The following CFAP73 variants were observed in gnomAD, a reference collection of about 807,000 sequenced individuals.
CFAP73 encodes the protein cilia- and flagella-associated protein 73.
Under a neutral mutation model 42.9 loss-of-function variants are expected in CFAP73, and 33 were observed. The ratio of observed to expected loss-of-function variants is 0.77; its 90% CI spans 0.58 to 1.03. CFAP73 has a LOEUF of 1.03. CFAP73 is among the 50% of genes least tolerant of loss of function. The pLI, the probability that CFAP73 is intolerant of heterozygous loss-of-function variation, is 0.00. For synonymous variants in CFAP73, 162 were observed against 186.8 expected (o/e 0.87, Z 1.08); for missense variants, 392 against 411.9 (o/e 0.95, Z 0.42).
At chr12:113,150,474 A>G (rs1478310850) in intron 1 of CFAP73, among the ~76,000 whole-genome samples, 1 of 152,084 alleles carries the variant, frequency 6.6e-6, no homozygotes, top group Non-Finnish European at 1.5e-5. Flanking sequence ...TGGCCGTAGT[A>G]GGGAGCTGGT....
rs1194067000 is a variant in CFAP73, at chr12:113,159,170, C to T, written c.*481C>T. Reference sequence around the variant, plus strand: ...GGATCACTCCCAAGATCCCCTCCTCCCAGAAGCTTGCAGACTCCTCCCCTG... The same window carrying T: ...GGATCACTCCCAAGATCCCCTCCTCTCAGAAGCTTGCAGACTCCTCCCCTG... On this transcript the variant is annotated 3_prime_UTR_variant, in exon 8 of 8. Transcript: ENST00000335621. 6.6e-7 allele frequency: 1 copy of T among 1,506,676 alleles called. No homozygotes were observed. The highest frequency in any genetic ancestry group is 8.9e-7 in the Non-Finnish European group (1 of 1,123,868). The allele number at this position is 1,506,676 out of a possible 1,614,324, so 93.3% of individuals were successfully genotyped here. A position where few individuals can be genotyped will look rare whatever the true frequency, so the allele number is the denominator to read the frequency against.
chr12:113,150,335 C>T (rs1250538667), intron 1 of CFAP73, among the ~76,000 whole-genome samples: 3 of 152,114 alleles, frequency 2.0e-5, no homozygotes, highest in Non-Finnish European at 4.4e-5. Flanking sequence ...TTCTGGACCA[C>T]GGCTGGGAAA....
Position 113,158,999 on chromosome 12 carries a change from G to C in CFAP73, c.*310G>C. ...AGCTGCTTGAGGCCACCACGCTGCA[G>C]GAAGTGCAGCTTCTGGGCCCGGCGC... On this transcript the variant is annotated 3_prime_UTR_variant, in exon 8 of 8. Coordinates refer to ENST00000335621, the MANE Select transcript of CFAP73 (RefSeq NM_001144872.3). This position sits in a 1 kb window ranked among gnomAD's most constrained non-coding sequence, Gnocchi z 4.9. 6.2e-7 allele frequency: 1 copy of C among 1,611,844 alleles called. No homozygotes were observed. Among genetic ancestry groups the C allele is most frequent in the Non-Finnish European group, 8.5e-7 (1 of 1,179,340 alleles).
intron 6 of CFAP73, chr12:113,157,275 AC>A (rs1952139375): frequency 3.0e-6 from 1 of 332,328 alleles, no homozygotes; most frequent in Non-Finnish European, 5.6e-6. Context: ...TAGGTCACAA[AC>A]CAATGAATAT....
intron 6 of CFAP73, chr12:113,156,793 TAAG>T (rs1272366792): frequency 1.3e-5 from 2 of 152,148 alleles, no homozygotes; most frequent in Non-Finnish European, 2.9e-5. Context: ...TAGTGGAAAT[TAAG>T]AAGAAACAAA....
rs1952076905 is a variant in CFAP73 at position 113,152,844 on chromosome 12, G to T, written c.224G>T (p.Arg75Leu). The change falls in exon 3 of 8, where the codon CGG (arginine) becomes CTG (leucine). Residue 75 changes from arginine (R) to leucine (L), a missense_variant. Coordinates refer to ENST00000335621, the MANE Select transcript of CFAP73 (RefSeq NM_001144872.3). ...TGGGAACAGCTGGAACAAAAGGAGC[G>T]GGAGCTAAAGGGATCGTTCATCCGC... ...QRWEQLEQKE[R>L]ELKGSFIRFD... The T allele has an allele frequency of 6.4e-7, 1 of 1,551,692 alleles. No individual in the cohort carries two copies. Among genetic ancestry groups the T allele is most frequent in the South Asian group, 1.2e-5 (1 of 84,062 alleles).
chr12:113,152,977 G>T, intron 3 of CFAP73, 90 bp downstream of exon 3: 1 of 981,784 alleles, frequency 1.0e-6, no homozygotes, highest in East Asian at 2.7e-5. Context: ...AATAAAAGAA[G>T]TGGTTTTCGT....
Position 113,154,347 on chromosome 12 carries a change from C to G in CFAP73, c.469-67C>G. 1 of 1,501,608 alleles carries G rather than the reference C, an allele frequency of 6.7e-7. No homozygotes were observed. The highest frequency in any genetic ancestry group is 9.0e-7 in the Non-Finnish European group (1 of 1,108,674). 93.0% of individuals were successfully genotyped at this position (1,501,608 alleles called of 1,614,324 possible). ...TTCCAATAATAAGGAACGCTGGCGG[C>G]CAGGTGGGATGGAGAGGGTAAGGCA... On this transcript the variant is annotated intron_variant, in intron 4 of 7. Coordinates refer to ENST00000335621, the MANE Select transcript of CFAP73 (RefSeq NM_001144872.3). This position sits in a 1 kb window ranked among gnomAD's most constrained non-coding sequence, Gnocchi z 4.7.
At chr12:113,151,897 C>G in intron 1 of CFAP73, 21 bp from the exon 2 acceptor site, 1 of 1,527,434 alleles carries the variant, frequency 6.5e-7, no homozygotes, top group Non-Finnish European at 8.9e-7. Flanking sequence ...TCACCCCCAC[C>G]TCCTACTTGA....
Position 113,151,920 on chromosome 12 carries a change from A to G in CFAP73, c.59A>G (p.Lys20Arg). ...RLALQEKLSTKLPEQAEDHVP... is the reference protein window; with the variant it reads ...RLALQEKLSTRLPEQAEDHVP... ...ACCTCCTACTTGAGCCTCTTCAGAA[A>G]GCTGCCAGAGCAGGCTGAGGATCAT... The change falls in exon 2 of 8, where the codon AAG (lysine) becomes AGG (arginine). Residue 20 changes from lysine (K) to arginine (R), a missense_variant and splice_region_variant. Physicochemically the swap from Lys to Arg is conservative, Grantham distance 26. Transcript: ENST00000335621. The G allele has an allele frequency of 6.4e-7, 1 of 1,550,956 alleles. No individual in the cohort carries two copies. Among genetic ancestry groups the G allele is most frequent in the South Asian group, 1.2e-5 (1 of 84,010 alleles).
At chr12:113,157,915 T>A in intron 7 of CFAP73, 1 of 568,170 alleles carries the variant, frequency 1.8e-6, no homozygotes, top group Non-Finnish European at 3.2e-6. Flanking sequence ...AGGGGCTATG[T>A]GTGGGGCAAC....
chr12:113,157,265 T>G, intron 6 of CFAP73: 1 of 294,858 alleles, frequency 3.4e-6, no homozygotes. Context: ...GAGATAAGAG[T>G]AGGTCACAAA....
At chr12:113,153,580 G>A (rs1261444864) in intron 4 of CFAP73, among the ~76,000 whole-genome samples, 172 bp downstream of exon 4, 1 of 152,180 alleles carries the variant, frequency 6.6e-6, no homozygotes, top group Non-Finnish European at 1.5e-5. Flanking sequence ...ATACGCTTTG[G>A]TTTTTGTGGT....
At position 113,159,272 on chromosome 12, in the gene CFAP73, C is replaced by T. The variant is rs944707182; in HGVS notation, c.*583C>T. 16 of 755,316 alleles carry T rather than the reference C, an allele frequency of 2.1e-5. No individual in the cohort carries two copies. The highest frequency in any genetic ancestry group is 9.5e-5 in the Admixed American group (3 of 31,562). The allele number at this position is 755,316 out of a possible 1,614,324, so 46.8% of individuals were successfully genotyped here. A position where few individuals can be genotyped will look rare whatever the true frequency, so the allele number is the denominator to read the frequency against. ...AGGTGGCTAATAAAGTTTTAGGCAG[C>T]CTCATGGAGTGGTCAATAACACGGG... On this transcript the variant is annotated 3_prime_UTR_variant, in exon 8 of 8. Transcript: ENST00000335621.
intron 6 of CFAP73, among the ~76,000 whole-genome samples, chr12:113,156,149 A>G (rs1190545117): frequency 6.6e-6 from 1 of 150,956 alleles, no homozygotes; most frequent in Non-Finnish European, 1.5e-5. Flanking sequence ...CGAAATCCCA[A>G]CCTCAAGTTA....
chr12:113,158,897 T>C lies in CFAP73; in HGVS notation c.*208T>C, dbSNP rs773237388. 6.2e-7 allele frequency: 1 copy of C among 1,605,672 alleles called. No individual in the cohort carries two copies. Among genetic ancestry groups the C allele is most frequent in the African/African-American group, 1.3e-5 (1 of 74,914 alleles). ...GGTCCTCACATCCTCTTCCGCATCT[T>C]GCCCTTCTTGGAGCGGGCACCCCGG... On this transcript the variant is annotated 3_prime_UTR_variant, in exon 8 of 8. Transcript: ENST00000335621. This position sits in a 1 kb window ranked among gnomAD's most constrained non-coding sequence, Gnocchi z 4.9.
Position 113,154,625 on chromosome 12 carries a change from C to G in CFAP73, c.680C>G (p.Thr227Arg), listed in dbSNP as rs774891726. 185 of 1,410,036 alleles carry G rather than the reference C, an allele frequency of 1.3e-4. No homozygotes were observed. The highest frequency in any genetic ancestry group is 8.2e-4 in the Admixed American group (24 of 29,204). The allele number at this position is 1,410,036 out of a possible 1,614,324, so 87.3% of individuals were successfully genotyped here. The change falls in exon 5 of 8, where the codon ACG becomes AGG. Residue 227 changes from threonine to arginine, a missense_variant. Transcript: ENST00000335621. This position sits in a 1 kb window ranked among gnomAD's most constrained non-coding sequence, Gnocchi z 4.7. ...QERLEAARER[T>R]LQWESKWIQI... is the part of the protein sequence containing the mutation. Reference sequence around the variant, plus strand: ...CGCCTGGAGGCTGCCAGGGAGCGTACGCTGCAGTGGGTACGACCCGCCCTA... The same window carrying G: ...CGCCTGGAGGCTGCCAGGGAGCGTAGGCTGCAGTGGGTACGACCCGCCCTA...
At chr12:113,156,149 A>C (rs1190545117) in intron 6 of CFAP73, among the ~76,000 whole-genome samples, 2 of 150,956 alleles carry the variant, frequency 1.3e-5, no homozygotes, top group Non-Finnish European at 1.5e-5. Flanking sequence ...CGAAATCCCA[A>C]CCTCAAGTTA....
At position 113,158,786 on chromosome 12, in the gene CFAP73, G is replaced by T; in HGVS notation, c.*97G>T. 7.1e-7 allele frequency: 1 copy of T among 1,402,444 alleles called. No homozygotes were observed. The allele number at this position is 1,402,444 out of a possible 1,614,324, so 86.9% of individuals were successfully genotyped here. ...CTGCAGGGAGTGCCCCCAGTGCCCAGCACAGGGCCAGGCACACAGTGGTGC... is the reference window on the plus strand; with the variant it reads ...CTGCAGGGAGTGCCCCCAGTGCCCATCACAGGGCCAGGCACACAGTGGTGC... On this transcript the variant is annotated 3_prime_UTR_variant, in exon 8 of 8. Transcript: ENST00000335621. This position sits in a 1 kb window ranked among gnomAD's most constrained non-coding sequence, Gnocchi z 4.9.
Sources: gnomAD v4.1 joint callset for allele counts (sites outside exome capture counted in the v4.1 genomes callset) on GRCh38, gnomAD v4.1.1 for gene constraint, Gnocchi (gnomAD v3.1) non-coding constraint, MANE v1.5 for transcripts, NCBI Gene and HGNC (gene_info 2026-07-23, HGNC 2026-07-21) for gene names.